FAM124A: variants seen among roughly 807,000 people sequenced by gnomAD.
FAM124A encodes family with sequence similarity 124 member A, also known as protein FAM124A.
In FAM124A, 23 loss-of-function variants were observed where a neutral mutation model predicts 24.5. The ratio of observed to expected loss-of-function variants is 0.94; its 90% CI spans 0.68 to 1.33. The LOEUF (loss-of-function observed/expected upper bound fraction) is 1.33. Among genes scored for constraint, FAM124A ranks in the 40% most tolerant of loss-of-function variants. The probability of loss-of-function intolerance (pLI) is 0.00; values close to 1 mark genes in which losing one functional copy is unlikely to be tolerated. For synonymous variants in FAM124A, 287 were observed against 314.7 expected (o/e 0.91, Z 0.93); for missense variants, 623 against 722.8 (o/e 0.86, Z 1.58).
At chr13:51,240,030 C>A (rs1280001559) in intron 2 of FAM124A, among the ~76,000 whole-genome samples, 1 of 152,212 alleles carries the variant, frequency 6.6e-6, no homozygotes, top group Non-Finnish European at 1.5e-5. Flanking sequence ...CATTGGTGCT[C>A]CGTCCAGCCT....
chr13:51,241,787 G>T lies in FAM124A; in HGVS notation c.101-9681G>T, dbSNP rs149315136. On this transcript the variant is annotated intron_variant, in intron 2 of 3. Coordinates refer to ENST00000322475, the MANE Select transcript of FAM124A (RefSeq NM_001242312.2). ...CCAGGCTCCATCCACTTCCTACATT[G>T]CTCGTTTGATCATGAGCAAAGCCAG... 1.5e-3 allele frequency among the ~76,000 whole-genome samples: 222 copies of T among 151,740 alleles called. 1 individual carries two copies. The highest frequency in any genetic ancestry group is 5.1e-3 in the African/African-American group (212 of 41,402).
At chr13:51,269,654 G>C (rs1196735315) in intron 3 of FAM124A, among the ~76,000 whole-genome samples, 1 of 152,168 alleles carries the variant, frequency 6.6e-6, no homozygotes, top group Non-Finnish European at 1.5e-5. Flanking sequence ...AGGAAATTAA[G>C]CTACAAAGCC....
intron 1 of FAM124A, among the ~76,000 whole-genome samples, chr13:51,225,664 A>G (rs1954308182): frequency 6.6e-6 from 1 of 152,174 alleles, no homozygotes; most frequent in African/African-American, 2.4e-5. Flanking sequence ...GAGGAACGCT[A>G]AATGTCTTTT....
intron 3 of FAM124A, among the ~76,000 whole-genome samples, chr13:51,256,754 T>G (rs898705035): frequency 1.3e-5 from 2 of 152,204 alleles, no homozygotes; most frequent in Admixed American, 1.3e-4. Flanking sequence ...TTTTATCCAT[T>G]CACATTATTG....
chr13:51,245,234 A>C, intron 2 of FAM124A: 1 of 492,346 alleles, frequency 2.0e-6, no homozygotes, highest in Non-Finnish European at 3.7e-6. Context: ...GATGCAAAAA[A>C]CTGGTTAGGA....
chr13:51,271,988 T>C (rs542499107), intron 3 of FAM124A, among the ~76,000 whole-genome samples: 7 of 152,322 alleles, frequency 4.6e-5, no homozygotes, highest in African/African-American at 1.4e-4. Flanking sequence ...GTAGCACTGC[T>C]TTTGAGTTTT....
At chr13:51,240,151 T>C (rs1954476023) in intron 2 of FAM124A, among the ~76,000 whole-genome samples, 1 of 152,252 alleles carries the variant, frequency 6.6e-6, no homozygotes, top group Non-Finnish European at 1.5e-5. Context: ...AAAAATATGA[T>C]ACAAAAAGCC....
At chr13:51,224,715 C>A (rs1332016250) in intron 1 of FAM124A, among the ~76,000 whole-genome samples, 1 of 152,110 alleles carries the variant, frequency 6.6e-6, no homozygotes, top group Non-Finnish European at 1.5e-5. Context: ...TGTTTGCTAT[C>A]GTTAGTATTT....
At chr13:51,252,435 A>G (rs1954635400) in intron 3 of FAM124A, 1 of 593,310 alleles carries the variant, frequency 1.7e-6, no homozygotes, top group Non-Finnish European at 2.9e-6. Context: ...CATGTTCCCA[A>G]TTCTTCCAGC....
intron 1 of FAM124A, among the ~76,000 whole-genome samples, chr13:51,223,970 TA>T (rs1401169669): frequency 6.6e-6 from 1 of 152,208 alleles, no homozygotes; most frequent in African/African-American, 2.4e-5. Flanking sequence ...AGAACTCACC[TA>T]AAACTGATAT....
intron 3 of FAM124A, among the ~76,000 whole-genome samples, chr13:51,266,641 A>G (rs1421318962): frequency 6.6e-6 from 1 of 152,206 alleles, no homozygotes; most frequent in Admixed American, 6.5e-5. Context: ...GAGTATTATC[A>G]TCCTGAAAGA....
Position 51,280,677 on chromosome 13 carries a change from C to T in FAM124A, c.1062C>T (p.Pro354=). 6.2e-7 allele frequency: 1 copy of T among 1,614,174 alleles called. No homozygotes were observed. The highest frequency in any genetic ancestry group is 1.3e-5 in the African/African-American group (1 of 75,040). ...AGRANSTPNP[P]WSFQRSKSLF... ...GAGCCAACAGCACCCCCAACCCTCC[C>T]TGGTCTTTCCAGAGAAGCAAGTCCT... is the stretch of plus-strand genomic sequence containing the variant. The change falls in exon 4 of 4, where the codon CCC becomes CCT. Residue 354 remains proline (P), a synonymous_variant. Transcript: ENST00000322475.
chr13:51,269,160 A>C (rs1338849216), intron 3 of FAM124A, among the ~76,000 whole-genome samples: 1 of 152,250 alleles, frequency 6.6e-6, no homozygotes, highest in Non-Finnish European at 1.5e-5. Context: ...GTCTGTGTGC[A>C]ACCTCAGTCA....
chr13:51,227,685 T>C (rs1235763441), intron 1 of FAM124A, among the ~76,000 whole-genome samples: 2 of 152,248 alleles, frequency 1.3e-5, no homozygotes, highest in African/African-American at 4.8e-5. Context: ...TCATTAGTGA[T>C]GTCTTCAAGA....
At chr13:51,231,251 C>A (rs1954373598) in intron 1 of FAM124A, 97 bp from the exon 2 acceptor site, 1 of 1,324,524 alleles carries the variant, frequency 7.5e-7, no homozygotes, top group South Asian at 1.2e-5. Context: ...CATTTCTTTA[C>A]CAGCTAAATG....
At chr13:51,226,526 G>A (rs1365069022) in intron 1 of FAM124A, among the ~76,000 whole-genome samples, 2 of 152,022 alleles carry the variant, frequency 1.3e-5, no homozygotes, top group African/African-American at 4.8e-5. Context: ...TTGCAATTAC[G>A]TATTTAAATA....
chr13:51,235,965 C>T (rs1051152005), intron 2 of FAM124A, among the ~76,000 whole-genome samples: 2 of 152,212 alleles, frequency 1.3e-5, no homozygotes, highest in African/African-American at 4.8e-5. Context: ...GTTTTTCAAC[C>T]TCCTGGGGAC....
chr13:51,268,732 AGC>A (rs1566173599), intron 3 of FAM124A, among the ~76,000 whole-genome samples: 1 of 151,902 alleles, frequency 6.6e-6, no homozygotes, highest in Non-Finnish European at 1.5e-5. Flanking sequence ...CCAAGTTATG[AGC>A]ACCTTTAGTG....
chr13:51,274,478 A>G (rs750772009), intron 3 of FAM124A, among the ~76,000 whole-genome samples: 1 of 152,218 alleles, frequency 6.6e-6, no homozygotes, highest in East Asian at 1.9e-4. Context: ...CTCAACCTGT[A>G]TTAAACAAAG....
Sources: allele counts gnomAD v4.1 joint callset (sites outside exome capture counted in the v4.1 genomes callset), GRCh38; gene constraint gnomAD v4.1.1; transcripts MANE v1.5; gene names NCBI Gene and HGNC (gene_info 2026-07-23, HGNC 2026-07-21).